Variants in DENND6B observed in about 807,000 individuals in gnomAD.
The protein encoded by DENND6B is DENN domain containing 6B, also known as protein DENND6B.
DENND6B carries 73 observed loss-of-function variants against 85.1 expected under a neutral mutation model. That is an observed-to-expected ratio of 0.86 (90% CI 0.71 to 1.04). The LOEUF (loss-of-function observed/expected upper bound fraction) is 1.04. DENND6B is among the 50% of genes least tolerant of loss of function. The pLI, the probability that DENND6B is intolerant of heterozygous loss-of-function variation, is 0.00. For missense variants in DENND6B, 715 were observed against 785.8 expected (o/e 0.91, Z 1.08); for synonymous variants, 357 against 329.3 (o/e 1.08, Z -0.91).
intron 4 of DENND6B, 96 bp from the exon 5 acceptor site, chr22:50,317,469 A>G: frequency 7.2e-7 from 1 of 1,379,452 alleles, no homozygotes; most frequent in Non-Finnish European, 1.0e-6. Flanking sequence ...GGACTGCTGC[A>G]GATGGAAGGC....
chr22:50,315,170 C>G, intron 9 of DENND6B: 1 of 545,642 alleles, frequency 1.8e-6, no homozygotes. Context: ...TGTGAGGGAC[C>G]AGCCATCCCG....
At position 50,312,266 on chromosome 22, in the gene DENND6B, A is replaced by T; in HGVS notation, c.1636-5T>A. Reference sequence around the variant, plus strand: ...CTGGTGGCCCTGAGCCCGCACCTGGAGGGGCAGCCATGGTCAGGGCAGGCG... The same window carrying T: ...CTGGTGGCCCTGAGCCCGCACCTGGTGGGGCAGCCATGGTCAGGGCAGGCG... On this transcript the variant is annotated splice_polypyrimidine_tract_variant and splice_region_variant and intron_variant, in intron 19 of 19. Coordinates refer to ENST00000413817, the MANE Select transcript of DENND6B (RefSeq NM_001001794.4). 1 of 1,611,984 alleles carries T rather than the reference A, an allele frequency of 6.2e-7. No homozygotes were observed. The highest frequency in any genetic ancestry group is 1.1e-5 in the South Asian group (1 of 90,932).
At chr22:50,325,430 C>A (rs1303963491) in intron 1 of DENND6B, among the ~76,000 whole-genome samples, 3 of 151,378 alleles carry the variant, frequency 2.0e-5, no homozygotes, top group African/African-American at 7.3e-5. Flanking sequence ...CTCCCCCTCC[C>A]GGGTTCAAGC....
At position 50,318,037 on chromosome 22, in the gene DENND6B, C is replaced by T. The variant is rs2041912141; in HGVS notation, c.260-17G>A. Reference sequence around the variant, plus strand: ...CAAGGCAGCCTAAGAAGGGGCAGCCCCACCACACGGGTCAAGGCCGGGAGC... The same window carrying T: ...CAAGGCAGCCTAAGAAGGGGCAGCCTCACCACACGGGTCAAGGCCGGGAGC... On this transcript the variant is annotated splice_polypyrimidine_tract_variant and intron_variant, in intron 3 of 19. Coordinates refer to ENST00000413817, the MANE Select transcript of DENND6B (RefSeq NM_001001794.4). The T allele has an allele frequency of 6.2e-7, 1 of 1,610,868 alleles. No individual in the cohort carries two copies. The highest frequency in any genetic ancestry group is 1.7e-5 in the Admixed American group (1 of 59,930).
At chr22:50,318,135 A>G in intron 3 of DENND6B, 115 bp from the exon 4 acceptor site, 2 of 962,766 alleles carry the variant, frequency 2.1e-6, no homozygotes, top group Non-Finnish European at 3.0e-6. Flanking sequence ...TGGTAAATAT[A>G]CCCCAGAAAC....
intron 16 of DENND6B, 84 bp downstream of exon 16, chr22:50,313,362 C>CT (rs148649824): frequency 0.037 from 55,753 of 1,491,358 alleles, 3,036 homozygotes; most frequent in African/African-American, 0.26. Context: ...CAGCCACAGC[C>CT]TCCTGCTCCA....
chr22:50,313,328 G>A, intron 16 of DENND6B, 118 bp downstream of exon 16: 1 of 1,358,402 alleles, frequency 7.4e-7, no homozygotes, highest in Non-Finnish European at 9.9e-7. Flanking sequence ...AAACATGATG[G>A]CCTTGAGGCC....
chr22:50,326,716 G>C, intron 1 of DENND6B, 96 bp downstream of exon 1: 3 of 1,121,952 alleles, frequency 2.7e-6, no homozygotes, highest in Non-Finnish European at 2.3e-6. Context: ...AGGCCAGGGA[G>C]AGTGCGGGGC....
chr22:50,323,020 CTTTTTTTTT>C (rs386395718), intron 1 of DENND6B, among the ~76,000 whole-genome samples: 4 of 39,030 alleles, frequency 1.0e-4, no homozygotes, highest in Admixed American at 8.5e-4. Flanking sequence ...CCGGCTAATG[CTTTTTTTTT>C]TTTTTTTTTT....
intron 13 of DENND6B, 116 bp downstream of exon 13, chr22:50,314,091 G>C (rs1569197424): frequency 7.4e-7 from 1 of 1,355,446 alleles, no homozygotes. Context: ...CTCTGCTGCT[G>C]AGTCCTGGAA....
chr22:50,324,796 G>A (rs1173492820), intron 1 of DENND6B, among the ~76,000 whole-genome samples: 1 of 152,202 alleles, frequency 6.6e-6, no homozygotes, highest in East Asian at 1.9e-4. Flanking sequence ...CATTTTGGGA[G>A]AGGGGTTACC....
rs2068036167 is a variant in DENND6B, at chr22:50,309,659, GGTTCCCCCCTCAA to G, written c.*2467_*2479del. On this transcript the variant is annotated 3_prime_UTR_variant, in exon 20 of 20. Coordinates refer to ENST00000413817, the MANE Select transcript of DENND6B (RefSeq NM_001001794.4). Reference sequence around the variant, plus strand: ...CAGGGCAATGCTGGCCACCCAGCCCGGTTCCCCCCTCAAGTTCCCCCTTCACACGCCACTATGT... The same window carrying G: ...CAGGGCAATGCTGGCCACCCAGCCCGGTTCCCCCTTCACACGCCACTATGT... 2 of 152,412 alleles carry G rather than the reference GGTTCCCCCCTCAA, an allele frequency of 1.3e-5. No homozygotes were observed. Among genetic ancestry groups the G allele is most frequent in the Admixed American group, 1.3e-4 (2 of 15,300 alleles). The allele number at this position is 152,412 out of a possible 1,614,324, so 9.4% of individuals were successfully genotyped here.
At chr22:50,324,152 C>A (rs2042130289) in intron 1 of DENND6B, among the ~76,000 whole-genome samples, 1 of 152,108 alleles carries the variant, frequency 6.6e-6, no homozygotes. Context: ...CCTTGTCACC[C>A]CACAGCCCTG....
At position 50,326,472 on chromosome 22, in the gene DENND6B, G is replaced by C. The variant is rs144643420; in HGVS notation, c.177+340C>G. ...GATGCGGAGCGGAGGGTAAGCCCGG[G>C]ACTCTGGCGGGAGCCACTGAGGGGA... On this transcript the variant is annotated intron_variant, in intron 1 of 19. Transcript: ENST00000413817. Among the ~76,000 whole-genome samples, 37 of 152,372 alleles carry C rather than the reference G, an allele frequency of 2.4e-4. No homozygotes were observed. In the East Asian group the frequency reaches 6.7e-3, roughly 28 times the overall value.
chr22:50,313,026 A>G lies in DENND6B; in HGVS notation c.1430T>C (p.Leu477Pro), dbSNP rs1382433711. Reference protein sequence around the residue: ...EHAGPQLTCILKGDWLGLYRR... With the variant: ...EHAGPQLTCIPKGDWLGLYRR... ...GTAGAGACCCAGCCAGTCGCCCTTG[A>G]GGATGCAGGTGAGCTGGGGCCCAGC... The change falls in exon 17 of 20, where the codon CTC becomes CCC. Residue 477 changes from leucine to proline, a missense_variant. Coordinates refer to ENST00000413817, the MANE Select transcript of DENND6B (RefSeq NM_001001794.4). The G allele has an allele frequency of 3.8e-6, 6 of 1,561,684 alleles. No homozygotes were observed. The highest frequency in any genetic ancestry group is 5.2e-6 in the Non-Finnish European group (6 of 1,153,698).
intron 1 of DENND6B, among the ~76,000 whole-genome samples, chr22:50,326,301 C>T (rs969530400): frequency 6.6e-6 from 1 of 152,232 alleles, no homozygotes; most frequent in Non-Finnish European, 1.5e-5. Flanking sequence ...CAAGGAGGCG[C>T]TGCAGGGTTT....
chr22:50,313,215 C>G, intron 16 of DENND6B, 107 bp from the exon 17 acceptor site: 7 of 1,230,328 alleles, frequency 5.7e-6, no homozygotes, highest in Admixed American at 2.1e-5. Flanking sequence ...CCCCAGCCCC[C>G]ACCCTGCCTG....
chr22:50,324,583 C>A, intron 1 of DENND6B, among the ~76,000 whole-genome samples: 1 of 152,188 alleles, frequency 6.6e-6, no homozygotes, highest in Non-Finnish European at 1.5e-5. Context: ...CGCCACCACG[C>A]CCGGCTAATT....
At chr22:50,315,998 C>G (rs2041799797) in intron 8 of DENND6B, 27 bp downstream of exon 8, 1 of 1,612,324 alleles carries the variant, frequency 6.2e-7, no homozygotes, top group Non-Finnish European at 8.5e-7. Flanking sequence ...CCAGCTGTTT[C>G]AGCTCCACCT....
Sources: gnomAD v4.1 joint callset for allele counts (sites outside exome capture counted in the v4.1 genomes callset) on GRCh38, gnomAD v4.1.1 for gene constraint, MANE v1.5 for transcripts, NCBI Gene and HGNC (gene_info 2026-07-23, HGNC 2026-07-21) for gene names.